Variants in PDLIM5 observed in about 807,000 individuals in gnomAD.
PDLIM5 encodes PDZ and LIM domain 5.
In PDLIM5, 34 loss-of-function variants were observed where a neutral mutation model predicts 64.2. The ratio of observed to expected loss-of-function variants is 0.53; its 90% CI spans 0.40 to 0.71. PDLIM5 has a LOEUF of 0.71. PDLIM5 is among the 30% of genes least tolerant of loss of function. The pLI is 0.00. For synonymous variants in PDLIM5, 253 were observed against 269.1 expected (o/e 0.94, Z 0.59); for missense variants, 683 against 733.6 (o/e 0.93, Z 0.80).
At position 94,543,443 on chromosome 4, in the gene PDLIM5, G is replaced by A. The variant is rs1243491855; in HGVS notation, c.248+19568G>A. Among the ~76,000 whole-genome samples the A allele has an allele frequency of 6.6e-5, 10 of 152,218 alleles. No homozygotes were observed. The East Asian group carries it at 1.5e-3, about 23-fold the overall frequency. On this transcript the variant is annotated intron_variant, in intron 3 of 12. Transcript: ENST00000317968. The stretch of plus-strand genomic sequence containing the variant: ...CCCACATTTACCAATTTTTTGGGGT[G>A]TGAGCACTTAATATCTATTCTCTCA...
Position 94,655,048 on chromosome 4 carries a change from C to A in PDLIM5, c.1464+408C>A, listed in dbSNP as rs535738477. Among the ~76,000 whole-genome samples, 28 of 152,208 alleles carry A rather than the reference C, an allele frequency of 1.8e-4. No individual in the cohort carries two copies. The South Asian group carries it at 5.8e-3, about 32-fold the overall frequency. Reference sequence around the variant, plus strand: ...TAGCTTTTATAAGAGCAGTATTTCCCTACTTGTCAGAGTTCAAGCACAGGA... The same window carrying A: ...TAGCTTTTATAAGAGCAGTATTTCCATACTTGTCAGAGTTCAAGCACAGGA... On this transcript the variant is annotated intron_variant, in intron 10 of 12. Coordinates refer to ENST00000317968, the MANE Select transcript of PDLIM5 (RefSeq NM_006457.5).
intron 8 of PDLIM5, among the ~76,000 whole-genome samples, 189 bp downstream of exon 8, chr4:94,618,380 A>G (rs986080082): frequency 1.3e-5 from 2 of 152,226 alleles, no homozygotes; most frequent in African/African-American, 4.8e-5. Context: ...CTTTGTGTGT[A>G]TTTGATACAG....
chr4:94,571,521 T>G (rs2110272579), intron 3 of PDLIM5, among the ~76,000 whole-genome samples: 1 of 152,278 alleles, frequency 6.6e-6, no homozygotes, highest in South Asian at 2.1e-4. Flanking sequence ...TGCCAAGATC[T>G]CTCTCTGCTG....
At chr4:94,576,708 A>G (rs1483725857) in intron 5 of PDLIM5, among the ~76,000 whole-genome samples, 1 of 152,260 alleles carries the variant, frequency 6.6e-6, no homozygotes, top group Non-Finnish European at 1.5e-5. Flanking sequence ...GCCATTGGAC[A>G]CTAAACATAC....
intron 7 of PDLIM5, among the ~76,000 whole-genome samples, chr4:94,602,548 G>T (rs1264308502): frequency 6.6e-6 from 1 of 151,934 alleles, no homozygotes; most frequent in African/African-American, 2.4e-5. Context: ...CGCCTCCCAG[G>T]TTCAAGTGAT....
intron 2 of PDLIM5, among the ~76,000 whole-genome samples, chr4:94,496,057 CAA>C (rs34317766): frequency 7.0e-6 from 1 of 142,728 alleles, no homozygotes. Context: ...ACATTTCTAG[CAA>C]AAAAAAAAAC....
intron 8 of PDLIM5, among the ~76,000 whole-genome samples, chr4:94,639,621 C>G (rs1038842808): frequency 2.0e-5 from 3 of 152,130 alleles, no homozygotes; most frequent in Non-Finnish European, 4.4e-5. Flanking sequence ...AATCCAGGAA[C>G]AGAGAGAATA....
chr4:94,595,395 T>G (rs746649094), intron 7 of PDLIM5, among the ~76,000 whole-genome samples: 1 of 152,204 alleles, frequency 6.6e-6, no homozygotes, highest in Non-Finnish European at 1.5e-5. Context: ...ATACACAAAC[T>G]AAAACAGTTA....
At chr4:94,607,214 A>G (rs1048515335) in intron 7 of PDLIM5, among the ~76,000 whole-genome samples, 1 of 152,058 alleles carries the variant, frequency 6.6e-6, no homozygotes, top group African/African-American at 2.4e-5. Flanking sequence ...TTTTTAATCC[A>G]TTTGAAAATC....
At chr4:94,566,570 A>G (rs943208162) in intron 3 of PDLIM5, among the ~76,000 whole-genome samples, 2 of 152,206 alleles carry the variant, frequency 1.3e-5, no homozygotes, top group East Asian at 1.9e-4. Context: ...TGCGTCCTCA[A>G]AACAGTTCTG....
Position 94,509,892 on chromosome 4 carries a change from C to T in PDLIM5, c.97-13832C>T, listed in dbSNP as rs186515155. ...GGGTCTGCCTTTCCCAGCCCACTGA[C>T]TCAAATGTTAATCTCCTTTGTCAAC... On this transcript the variant is annotated intron_variant, in intron 2 of 12. Coordinates refer to ENST00000317968, the MANE Select transcript of PDLIM5 (RefSeq NM_006457.5). Among the ~76,000 whole-genome samples the T allele has an allele frequency of 1.3e-3, 203 of 152,276 alleles. 1 individual carries two copies. Among genetic ancestry groups the T allele is most frequent in the African/African-American group, 3.9e-3 (161 of 41,548 alleles).
intron 8 of PDLIM5, among the ~76,000 whole-genome samples, chr4:94,628,779 T>A (rs10516953): frequency 0.025 from 3,783 of 152,252 alleles, 165 homozygotes; most frequent in East Asian, 0.15. Context: ...TCCTTATGGT[T>A]TTCTCATCCA....
chr4:94,564,709 G>A (rs1578385374), intron 3 of PDLIM5, among the ~76,000 whole-genome samples: 1 of 140,380 alleles, frequency 7.1e-6, no homozygotes, highest in African/African-American at 2.8e-5. Flanking sequence ...AGGCTGGAGT[G>A]CAGTAGGGCC....
chr4:94,481,055 ATTGT>A (rs1725803726), intron 2 of PDLIM5, among the ~76,000 whole-genome samples: 1 of 151,920 alleles, frequency 6.6e-6, no homozygotes, highest in African/African-American at 2.4e-5. Flanking sequence ...CTGCATTTTT[ATTGT>A]TTATGTATTT....
Position 94,494,657 on chromosome 4 carries a change from C to G in PDLIM5, c.97-29067C>G, listed in dbSNP as rs111840077. Among the ~76,000 whole-genome samples, 488 of 150,598 alleles carry G rather than the reference C, an allele frequency of 3.2e-3. 1 individual carries two copies. Among genetic ancestry groups the G allele is most frequent in the African/African-American group, 0.011 (455 of 41,038 alleles). ...GTTTTACCATGTTGGCTAGGCTGGT[C>G]TCAAACTCCTGACCTCAAGTGATCC... On this transcript the variant is annotated intron_variant, in intron 2 of 12. Transcript: ENST00000317968.
In PDLIM5 at chr4:94,593,434, T is replaced by C. The variant is rs74603362; in HGVS notation, c.920+6990T>C. On this transcript the variant is annotated intron_variant, in intron 7 of 12. Coordinates refer to ENST00000317968, the MANE Select transcript of PDLIM5 (RefSeq NM_006457.5). ...GTTCTAGGTCAAGGTGCCAGCAGAG[T>C]TGGTGTCTGTTGAGGCCTTTCCTAA... Among the ~76,000 whole-genome samples, 302 of 152,028 alleles carry C rather than the reference T, an allele frequency of 2.0e-3. 2 individuals are homozygous for C. The highest frequency in any genetic ancestry group is 7.1e-3 in the African/African-American group (296 of 41,476).
intron 7 of PDLIM5, among the ~76,000 whole-genome samples, chr4:94,600,509 A>T (rs532399323): frequency 6.6e-6 from 1 of 152,220 alleles, no homozygotes; most frequent in African/African-American, 2.4e-5. Context: ...TATTTATTAA[A>T]TAATACATGC....
intron 2 of PDLIM5, among the ~76,000 whole-genome samples, chr4:94,460,112 TA>T (rs1723744663): frequency 6.6e-6 from 1 of 152,220 alleles, no homozygotes; most frequent in Non-Finnish European, 1.5e-5. Context: ...ATTTAGTTTG[TA>T]TAACTATATG....
At chr4:94,494,182 G>T (rs1727123740) in intron 2 of PDLIM5, among the ~76,000 whole-genome samples, 1 of 151,896 alleles carries the variant, frequency 6.6e-6, no homozygotes, top group African/African-American at 2.4e-5. Context: ...TACCCAGGCT[G>T]GTCTCCAACT....
Sources: allele counts gnomAD v4.1 joint callset (sites outside exome capture counted in the v4.1 genomes callset), GRCh38; gene constraint gnomAD v4.1.1; transcripts MANE v1.5; gene names NCBI Gene and HGNC (gene_info 2026-07-23, HGNC 2026-07-21).